The following TNR variants were observed in gnomAD, a reference collection of about 807,000 sequenced individuals.
The protein encoded by TNR is tenascin-R.
A neutral mutation model predicts 150.4 loss-of-function variants in TNR; 45 were observed. The observed-to-expected ratio is 0.30, with a 90% CI of 0.24 to 0.38. The LOEUF (loss-of-function observed/expected upper bound fraction) is 0.38. TNR is among the 10% of genes least tolerant of loss of function. The pLI is 1.00. For synonymous variants in TNR, 687 were observed against 678.4 expected, an observed-to-expected ratio of 1.01 and a Z score of -0.20; for missense variants, 1,544 against 1,759.1, an observed-to-expected ratio of 0.88 and a Z score of 2.19.
chr1:175,391,463 G>A (rs761165837), intron 6 of TNR, 25 bp from the exon 7 acceptor site: 1 of 1,607,136 alleles, frequency 6.2e-7, no homozygotes, highest in Non-Finnish European at 8.5e-7. Context: ...GAAGCAGAGA[G>A]CAAAAGAGAA....
At chr1:175,451,616 C>G (rs1253886934) in intron 2 of TNR, among the ~76,000 whole-genome samples, 1 of 152,186 alleles carries the variant, frequency 6.6e-6, no homozygotes, top group Non-Finnish European at 1.5e-5. Context: ...GATACGCCGT[C>G]CCAGAGGAGC....
At chr1:175,696,280 G>C (rs1007108170) in intron 1 of TNR, among the ~76,000 whole-genome samples, 10 of 130,980 alleles carry the variant, frequency 7.6e-5, no homozygotes, top group African/African-American at 2.9e-4. Context: ...ACAGATAAAA[G>C]GGTAAAGCCC....
intron 1 of TNR, among the ~76,000 whole-genome samples, chr1:175,737,437 T>G (rs1667801476): frequency 6.6e-6 from 1 of 152,218 alleles, no homozygotes; most frequent in African/African-American, 2.4e-5. Context: ...AAGCACTCAG[T>G]AAGTGTTGAC....
intron 21 of TNR, among the ~76,000 whole-genome samples, chr1:175,325,286 G>A (rs551007674): frequency 2.0e-4 from 31 of 152,226 alleles, no homozygotes; most frequent in South Asian, 8.3e-4. Context: ...ATCACTGGCC[G>A]TCAGAGAAAT....
At chr1:175,443,430 C>G (rs189380312) in intron 2 of TNR, among the ~76,000 whole-genome samples, 14 of 152,124 alleles carry the variant, frequency 9.2e-5, no homozygotes, top group African/African-American at 3.1e-4. Context: ...TAGGTTATAC[C>G]CCAGGCTCCC....
intron 8 of TNR, among the ~76,000 whole-genome samples, chr1:175,384,978 T>C (rs984204007): frequency 2.0e-5 from 3 of 152,236 alleles, no homozygotes; most frequent in South Asian, 2.1e-4. Flanking sequence ...ACTCATTCCA[T>C]TCTGTAGCAG....
At chr1:175,716,916 A>G (rs10737314) in intron 1 of TNR, among the ~76,000 whole-genome samples, 99,579 of 151,982 alleles carry the variant, frequency 0.66, 33,379 homozygotes, top group South Asian at 0.8. Context: ...TTCTCCCTCC[A>G]TAGATGAAAA....
intron 1 of TNR, among the ~76,000 whole-genome samples, chr1:175,676,983 G>A (rs148012509): frequency 1.6e-3 from 244 of 152,308 alleles, no homozygotes; most frequent in Non-Finnish European, 2.6e-3. Flanking sequence ...GGCTCAGAGG[G>A]TAAGTGACCA....
At chr1:175,654,547 C>T (rs1254862862) in intron 1 of TNR, among the ~76,000 whole-genome samples, 1 of 152,056 alleles carries the variant, frequency 6.6e-6, no homozygotes, top group African/African-American at 2.4e-5. Context: ...ACAGGTATCC[C>T]AAGACCCAGC....
chr1:175,357,265 A>C (rs1651376263), intron 15 of TNR, among the ~76,000 whole-genome samples: 1 of 152,210 alleles, frequency 6.6e-6, no homozygotes, highest in Non-Finnish European at 1.5e-5. Flanking sequence ...TTTGGTAAGC[A>C]TGTCTTCTCT....
intron 1 of TNR, among the ~76,000 whole-genome samples, chr1:175,678,226 G>A (rs1349102218): frequency 6.6e-6 from 1 of 152,142 alleles, no homozygotes; most frequent in African/African-American, 2.4e-5. Context: ...AGTACCCCAT[G>A]GAAGGTGGGC....
At chr1:175,506,423 C>T (rs1182467295) in intron 2 of TNR, among the ~76,000 whole-genome samples, 2 of 152,104 alleles carry the variant, frequency 1.3e-5, no homozygotes, top group Admixed American at 1.3e-4. Flanking sequence ...AAGTCCTAAC[C>T]CCCAGTACTT....
chr1:175,547,609 G>GAAAGAAAC (rs1391424124), intron 1 of TNR, among the ~76,000 whole-genome samples: 6 of 23,090 alleles, frequency 2.6e-4, no homozygotes, highest in Non-Finnish European at 9.1e-4. Flanking sequence ...AAGAAAGAAA[G>GAAAGAAAC]AAACAAAGAA....
chr1:175,594,375 T>C (rs1306029979), intron 1 of TNR, among the ~76,000 whole-genome samples: 1 of 152,206 alleles, frequency 6.6e-6, no homozygotes, highest in African/African-American at 2.4e-5. Context: ...ACCCCTTTTG[T>C]TCCTGTCCAT....
chr1:175,628,671 C>A (rs1664232924), intron 1 of TNR, among the ~76,000 whole-genome samples: 1 of 151,984 alleles, frequency 6.6e-6, no homozygotes, highest in African/African-American at 2.4e-5. Flanking sequence ...AGCTGAGGAG[C>A]AGGGACAGAC....
chr1:175,549,510 G>T (rs1660849348), intron 1 of TNR, among the ~76,000 whole-genome samples: 1 of 152,172 alleles, frequency 6.6e-6, no homozygotes, highest in Non-Finnish European at 1.5e-5. Context: ...AATCCTTGGA[G>T]CTATGAATAT....
intron 1 of TNR, among the ~76,000 whole-genome samples, chr1:175,674,721 G>C (rs1411600434): frequency 2.0e-5 from 3 of 152,140 alleles, no homozygotes; most frequent in Non-Finnish European, 4.4e-5. Flanking sequence ...AGGCCAGGTG[G>C]CCTCCCTGGG....
At chr1:175,587,238 G>A (rs766914659) in intron 1 of TNR, among the ~76,000 whole-genome samples, 1 of 152,152 alleles carries the variant, frequency 6.6e-6, no homozygotes, top group Non-Finnish European at 1.5e-5. Flanking sequence ...CTAGCATAGG[G>A]TAGGTCCTGA....
intron 5 of TNR, 97 bp from the exon 6 acceptor site, chr1:175,393,992 G>A: frequency 1.1e-6 from 1 of 950,696 alleles, no homozygotes; most frequent in South Asian, 1.4e-5. Flanking sequence ...TCCACGCCAT[G>A]GGCGTGGTGG....
Sources: gnomAD v4.1 joint callset for allele counts (sites outside exome capture counted in the v4.1 genomes callset) on GRCh38, gnomAD v4.1.1 for gene constraint, MANE v1.5 for transcripts, NCBI Gene and HGNC (gene_info 2026-07-23, HGNC 2026-07-21) for gene names.